Variants in KIRREL3 observed in about 807,000 individuals in gnomAD.
KIRREL3 encodes the protein kirre like nephrin family adhesion molecule 3.
A neutral mutation model predicts 89.7 loss-of-function variants in KIRREL3; 36 were observed. That is an observed-to-expected ratio of 0.40 (90% CI 0.31 to 0.53). The LOEUF (loss-of-function observed/expected upper bound fraction) is 0.53, where lower values mean the gene tolerates loss of function less well. Among genes scored for constraint, KIRREL3 ranks in the 20% least tolerant of loss-of-function variants. KIRREL3 has a pLI of 0.49. For synonymous variants in KIRREL3, 445 were observed against 441.4 expected, an observed-to-expected ratio of 1.01 and a Z score of -0.10; for missense variants, 864 against 1,056.6, an observed-to-expected ratio of 0.82 and a Z score of 2.53.
intron 1 of KIRREL3, among the ~76,000 whole-genome samples, chr11:126,722,092 C>T (rs1473280893): frequency 1.3e-5 from 2 of 152,244 alleles, no homozygotes; most frequent in African/African-American, 2.4e-5. Context: ...TGTAACTCTA[C>T]TGTATATACC....
chr11:126,533,632 A>T (rs982200088), intron 2 of KIRREL3, among the ~76,000 whole-genome samples: 2 of 152,138 alleles, frequency 1.3e-5, no homozygotes, highest in African/African-American at 2.4e-5. Context: ...CACTCCAAAG[A>T]ACCCCTCTCT....
rs540450790 is a variant in KIRREL3, at chr11:126,883,862, T to C, written c.55+116593A>G. On this transcript the variant is annotated intron_variant, in intron 1 of 16. Coordinates refer to ENST00000525144, the MANE Select transcript of KIRREL3 (RefSeq NM_032531.4). This position sits in a 1 kb window ranked among gnomAD's most constrained non-coding sequence, Gnocchi z 4.1. The stretch of plus-strand genomic sequence containing the variant: ...ATCCTATATTACCCAGAATCAAAAT[T>C]GGAATGGAGAGGTGGAGACATAGGT... 6.6e-6 allele frequency among the ~76,000 whole-genome samples: 1 copy of C among 152,094 alleles called. No homozygotes were observed. The highest frequency in any genetic ancestry group is 1.5e-5 in the Non-Finnish European group (1 of 68,014).
chr11:126,925,533 G>A (rs2508963), intron 1 of KIRREL3, among the ~76,000 whole-genome samples: 128,535 of 152,198 alleles, frequency 0.84, 54,687 homozygotes, highest in Middle Eastern at 0.96. Flanking sequence ...GGCTGAGCAG[G>A]AGAGCAGATG....
chr11:126,963,130 G>C (rs1949146622), intron 1 of KIRREL3, among the ~76,000 whole-genome samples: 1 of 152,144 alleles, frequency 6.6e-6, no homozygotes, highest in East Asian at 1.9e-4. Context: ...TCCTGTGTTT[G>C]GAAAGATCTA....
chr11:127,001,606 G>A (rs1202358823), upstream of KIRREL3, among the ~76,000 whole-genome samples: 3 of 152,102 alleles, frequency 2.0e-5, no homozygotes, highest in South Asian at 2.1e-4. Flanking sequence ...AGACAACTGC[G>A]TCCTAAGGAT....
intron 1 of KIRREL3, among the ~76,000 whole-genome samples, chr11:126,616,022 T>A (rs1427674033): frequency 6.6e-6 from 1 of 152,102 alleles, no homozygotes; most frequent in Non-Finnish European, 1.5e-5. Context: ...ATTGTGTTAG[T>A]GTGTCCGTTC....
rs1451586698 is a variant in KIRREL3 at position 126,526,231 on chromosome 11, G to A, written c.283+307C>T. On this transcript the variant is annotated intron_variant, in intron 3 of 16. Coordinates refer to ENST00000525144, the MANE Select transcript of KIRREL3 (RefSeq NM_032531.4). The surrounding 1 kb of genome is among the most constrained non-coding windows in gnomAD (Gnocchi z 5.7). ...AAGACACAGGAACACTTGATTTCTG[G>A]AAACTGGAATTTACATGAATCATGT... Among the ~76,000 whole-genome samples, 1 of 152,194 alleles carries A rather than the reference G, an allele frequency of 6.6e-6. No individual in the cohort carries two copies. The highest frequency in any genetic ancestry group is 1.5e-5 in the Non-Finnish European group (1 of 68,038).
intron 1 of KIRREL3, among the ~76,000 whole-genome samples, chr11:126,910,979 C>T (rs1459724730): frequency 6.6e-6 from 1 of 152,190 alleles, no homozygotes; most frequent in African/African-American, 2.4e-5. Flanking sequence ...GAAAGGTGGG[C>T]TTTATAACAC....
chr11:126,440,758 G>T (rs1955532547), intron 10 of KIRREL3: 1 of 612,800 alleles, frequency 1.6e-6, no homozygotes, highest in African/African-American at 1.8e-5. Context: ...ATGAGCGAAT[G>T]CTTCTAAGTC....
chr11:126,728,254 T>G (rs1037973325), intron 1 of KIRREL3, among the ~76,000 whole-genome samples: 7 of 152,024 alleles, frequency 4.6e-5, no homozygotes, highest in African/African-American at 1.4e-4. Flanking sequence ...GTGAGTCACT[T>G]GAAGCCCCCA....
At chr11:126,604,820 T>C (rs886966310) in intron 1 of KIRREL3, among the ~76,000 whole-genome samples, 1 of 152,186 alleles carries the variant, frequency 6.6e-6, no homozygotes, top group Non-Finnish European at 1.5e-5. Context: ...GAAGCAACGC[T>C]AGACTCACCC....
Position 126,860,968 on chromosome 11 carries a change from CCCT to C in KIRREL3, c.55+139484_55+139486del, listed in dbSNP as rs973540623. ...GTGCTACCAGAGGCAAACAAATTCT[CCCT>C]CCTTTGTGCCCTCCTGCTTTATGTG... On this transcript the variant is annotated intron_variant, in intron 1 of 16. Transcript: ENST00000525144. This position sits in a 1 kb window ranked among gnomAD's most constrained non-coding sequence, Gnocchi z 4.6. 1.3e-5 allele frequency among the ~76,000 whole-genome samples: 2 copies of C among 152,196 alleles called. No homozygotes were observed. Among genetic ancestry groups the C allele is most frequent in the African/African-American group, 4.8e-5 (2 of 41,444 alleles).
chr11:126,717,862 GA>G (rs1439212390), intron 1 of KIRREL3, among the ~76,000 whole-genome samples: 1 of 152,190 alleles, frequency 6.6e-6, no homozygotes, highest in East Asian at 1.9e-4. Flanking sequence ...ACAGTGTTCA[GA>G]AATTAGAAGG....
chr11:126,835,896 A>G (rs1943764892), intron 1 of KIRREL3, among the ~76,000 whole-genome samples: 1 of 152,154 alleles, frequency 6.6e-6, no homozygotes, highest in Non-Finnish European at 1.5e-5. Flanking sequence ...CATATGGGCA[A>G]TCAATCAATC....
At chr11:126,482,893 G>A (rs1016227991) in intron 4 of KIRREL3, among the ~76,000 whole-genome samples, 3 of 152,234 alleles carry the variant, frequency 2.0e-5, no homozygotes, top group Non-Finnish European at 4.4e-5. Context: ...TCTCAGCTGA[G>A]CTCAGCCCAG....
In KIRREL3 at chr11:126,830,982, T is replaced by A. The variant is rs1379439997; in HGVS notation, c.55+169473A>T. ...ATTACTATCACCCAGATTTCACAGATGCTAAACCCCCAGCATAGCAGTTAG... is the reference window on the plus strand; with the variant it reads ...ATTACTATCACCCAGATTTCACAGAAGCTAAACCCCCAGCATAGCAGTTAG... On this transcript the variant is annotated intron_variant, in intron 1 of 16. Coordinates refer to ENST00000525144, the MANE Select transcript of KIRREL3 (RefSeq NM_032531.4). The surrounding 1 kb of genome is among the most constrained non-coding windows in gnomAD (Gnocchi z 4.9). Among the ~76,000 whole-genome samples, 2 of 152,188 alleles carry A rather than the reference T, an allele frequency of 1.3e-5. No homozygotes were observed. The highest frequency in any genetic ancestry group is 4.8e-5 in the African/African-American group (2 of 41,462).
Position 126,451,105 on chromosome 11 carries a change from A to ATGTGTCCATGTGCG in KIRREL3, c.849-1949_849-1948insCGCACATGGACACA, listed in dbSNP as rs1956101483. On this transcript the variant is annotated intron_variant, in intron 7 of 16. Coordinates refer to ENST00000525144, the MANE Select transcript of KIRREL3 (RefSeq NM_032531.4). The stretch of plus-strand genomic sequence containing the variant: ...CGTGTGTGCATATGTGTCCATGTGC[A>ATGTGTCCATGTGCG]TGTGTGCATGTGTGTGTGTGCATGT... 6.0e-5 allele frequency among the ~76,000 whole-genome samples: 5 copies of ATGTGTCCATGTGCG among 83,158 alleles called. No individual in the cohort carries two copies. The South Asian group carries it at 2.2e-3, about 37-fold the overall frequency. 54.6% of individuals were successfully genotyped at this position (83,158 alleles called of 152,430 possible). A position where few individuals can be genotyped will look rare whatever the true frequency, so the allele number is the denominator to read the frequency against.
At position 126,455,754 on chromosome 11, in the gene KIRREL3, G is replaced by A. The variant is rs1048189663; in HGVS notation, c.848+595C>T. Among the ~76,000 whole-genome samples, 1 of 152,138 alleles carries A rather than the reference G, an allele frequency of 6.6e-6. No individual in the cohort carries two copies. Among genetic ancestry groups the A allele is most frequent in the African/African-American group, 2.4e-5 (1 of 41,428 alleles). On this transcript the variant is annotated intron_variant, in intron 7 of 16. Transcript: ENST00000525144. The surrounding 1 kb of genome is among the most constrained non-coding windows in gnomAD (Gnocchi z 6.4). Reference sequence around the variant, plus strand: ...GAGCTTGCCAGTGAGCTGAGATCACGCCACTGCACTCCAGCCTGGGTGACA... The same window carrying A: ...GAGCTTGCCAGTGAGCTGAGATCACACCACTGCACTCCAGCCTGGGTGACA...
chr11:126,774,042 G>A (rs1046645573), intron 1 of KIRREL3, among the ~76,000 whole-genome samples: 3 of 152,074 alleles, frequency 2.0e-5, no homozygotes, highest in African/African-American at 4.8e-5. Context: ...GTGAGTGAAC[G>A]CCAAGGGCTG....
Sources: allele counts gnomAD v4.1 joint callset (sites outside exome capture counted in the v4.1 genomes callset), GRCh38; gene constraint gnomAD v4.1.1; non-coding constraint Gnocchi (gnomAD v3.1); transcripts MANE v1.5; gene names NCBI Gene and HGNC (gene_info 2026-07-23, HGNC 2026-07-21).